The following OPCML variants were observed in gnomAD, a reference collection of about 807,000 sequenced individuals.
The protein encoded by OPCML is opioid-binding protein/cell adhesion molecule.
OPCML carries 13 observed loss-of-function variants against 37.8 expected under a neutral mutation model. That is an observed-to-expected ratio of 0.34 (90% CI 0.22 to 0.55). The LOEUF (loss-of-function observed/expected upper bound fraction) is 0.55, where lower values mean the gene tolerates loss of function less well. Among genes scored for constraint, OPCML ranks in the 20% least tolerant of loss-of-function variants. The pLI is 0.91. For missense variants in OPCML, 341 were observed against 435.6 expected (o/e 0.78, Z 1.93); for synonymous variants, 176 against 168.8 (o/e 1.04, Z -0.33).
chr11:132,572,218 G>A (rs76508367), intron 3 of OPCML, among the ~76,000 whole-genome samples: 1 of 151,258 alleles, frequency 6.6e-6, no homozygotes, highest in Non-Finnish European at 1.5e-5. Context: ...TCACTCCCTT[G>A]GTTGCCTGTT....
intron 1 of OPCML, among the ~76,000 whole-genome samples, chr11:133,274,019 C>T (rs1941923437): frequency 6.6e-6 from 1 of 152,152 alleles, no homozygotes; most frequent in Non-Finnish European, 1.5e-5. Context: ...CATATTTGCA[C>T]ACATACATAT....
chr11:132,910,570 CCTT>C (rs1377045160), intron 2 of OPCML, among the ~76,000 whole-genome samples: 1 of 152,202 alleles, frequency 6.6e-6, no homozygotes, highest in East Asian at 1.9e-4. Context: ...CTATCTGAAT[CCTT>C]CTCTCACTCT....
chr11:132,698,930 A>T (rs964531070), intron 2 of OPCML, among the ~76,000 whole-genome samples: 1 of 152,140 alleles, frequency 6.6e-6, no homozygotes, highest in African/African-American at 2.4e-5. Context: ...TAAAGATTGC[A>T]TTGAAATTGT....
intron 1 of OPCML, among the ~76,000 whole-genome samples, chr11:133,373,448 T>TATATATACACAC (rs966091785): frequency 1.5e-5 from 2 of 132,146 alleles, no homozygotes; most frequent in African/African-American, 6.3e-5. Context: ...TATATATATA[T>TATATATACACAC]ACACACACAC....
intron 1 of OPCML, among the ~76,000 whole-genome samples, chr11:133,238,282 G>A (rs1940600309): frequency 6.6e-6 from 1 of 152,104 alleles, no homozygotes; most frequent in Non-Finnish European, 1.5e-5. Flanking sequence ...GTGGCTGTTG[G>A]GCACTTGCAA....
chr11:132,698,676 C>T (rs1486523296), intron 2 of OPCML, among the ~76,000 whole-genome samples: 1 of 152,002 alleles, frequency 6.6e-6, no homozygotes, highest in Non-Finnish European at 1.5e-5. Flanking sequence ...ATTGCCTATG[C>T]TTTTGGGATC....
At chr11:132,792,313 A>C (rs1025740770) in intron 2 of OPCML, among the ~76,000 whole-genome samples, 1 of 152,034 alleles carries the variant, frequency 6.6e-6, no homozygotes, top group Non-Finnish European at 1.5e-5. Context: ...GTGCTGAGGG[A>C]GTATGGAATT....
chr11:132,452,486 C>T (rs1172560152), intron 4 of OPCML, among the ~76,000 whole-genome samples: 2 of 145,694 alleles, frequency 1.4e-5, no homozygotes, highest in African/African-American at 5.5e-5. Context: ...CCCTCCCTCC[C>T]TCCCTTCCTC....
At chr11:132,844,304 A>G (rs1349961867) in intron 2 of OPCML, among the ~76,000 whole-genome samples, 1 of 152,196 alleles carries the variant, frequency 6.6e-6, no homozygotes, top group East Asian at 1.9e-4. Context: ...TCATATCTAA[A>G]CAAATGAACC....
intron 1 of OPCML, among the ~76,000 whole-genome samples, chr11:133,163,879 A>G (rs1205343951): frequency 6.6e-6 from 1 of 152,120 alleles, no homozygotes; most frequent in African/African-American, 2.4e-5. Context: ...CCCCAACCAG[A>G]CTTTCATTAG....
intron 4 of OPCML, among the ~76,000 whole-genome samples, chr11:132,527,404 C>G (rs770248385): frequency 1.3e-5 from 2 of 152,084 alleles, no homozygotes; most frequent in African/African-American, 2.4e-5. Context: ...ATATTATCAG[C>G]CTTTATAATT....
chr11:132,589,564 G>A (rs2096480818), intron 3 of OPCML, among the ~76,000 whole-genome samples: 1 of 152,180 alleles, frequency 6.6e-6, no homozygotes, highest in East Asian at 1.9e-4. Flanking sequence ...GAAGATAATA[G>A]ATTTTGGACT....
intron 1 of OPCML, among the ~76,000 whole-genome samples, chr11:133,388,479 G>A (rs1161388882): frequency 6.6e-6 from 1 of 152,190 alleles, no homozygotes; most frequent in Non-Finnish European, 1.5e-5. Context: ...GGAACAGTAT[G>A]GGGACAATTG....
chr11:133,052,880 A>G (rs1591954199), intron 1 of OPCML, among the ~76,000 whole-genome samples: 1 of 152,332 alleles, frequency 6.6e-6, no homozygotes, highest in Middle Eastern at 3.4e-3. Context: ...AGAGGATCCT[A>G]ATTACACCAT....
chr11:133,267,442 C>A (rs1941694801), intron 1 of OPCML, among the ~76,000 whole-genome samples: 1 of 152,182 alleles, frequency 6.6e-6, no homozygotes. Flanking sequence ...ATCCTCCTTG[C>A]ATATCTACTG....
chr11:132,484,791 C>T (rs1465595102), intron 4 of OPCML, among the ~76,000 whole-genome samples: 1 of 152,070 alleles, frequency 6.6e-6, no homozygotes, highest in Non-Finnish European at 1.5e-5. Context: ...AACTGGAAAT[C>T]ATCATTCTCA....
intron 4 of OPCML, among the ~76,000 whole-genome samples, chr11:132,519,535 A>C (rs951586148): frequency 2.0e-5 from 3 of 152,152 alleles, no homozygotes; most frequent in African/African-American, 7.2e-5. Flanking sequence ...AGTTGCAAAA[A>C]TACAGGCATA....
chr11:133,314,232 CAAAAAAAAAAA>C (rs59843718), intron 1 of OPCML, among the ~76,000 whole-genome samples: 9 of 49,748 alleles, frequency 1.8e-4, no homozygotes, highest in East Asian at 5.7e-4. Flanking sequence ...GACTCCGTCT[CAAAAAAAAAAA>C]AAAAAAAAAA....
intron 1 of OPCML, among the ~76,000 whole-genome samples, chr11:133,400,022 G>C (rs1029814129): frequency 1.3e-5 from 2 of 152,140 alleles, no homozygotes; most frequent in African/African-American, 4.8e-5. Context: ...AGGGCCACCT[G>C]TCTTCCATAA....
Sources: gnomAD v4.1 joint callset for allele counts (sites outside exome capture counted in the v4.1 genomes callset) on GRCh38, gnomAD v4.1.1 for gene constraint, MANE v1.5 for transcripts, NCBI Gene and HGNC (gene_info 2026-07-23, HGNC 2026-07-21) for gene names.